Variants in AGTPBP1 observed in about 807,000 individuals in gnomAD.
AGTPBP1 encodes the protein cytosolic carboxypeptidase 1.
AGTPBP1 carries 70 observed loss-of-function variants against 143.9 expected under a neutral mutation model. The observed-to-expected ratio is 0.49, with a 90% confidence interval of 0.40 to 0.59. The LOEUF (loss-of-function observed/expected upper bound fraction) is 0.59, where lower values mean the gene tolerates loss of function less well. AGTPBP1 is among the 20% of genes least tolerant of loss of function. AGTPBP1 has a pLI of 0.00. For missense variants in AGTPBP1, 1,229 were observed against 1,464.5 expected (o/e 0.84, Z 2.62); for synonymous variants, 463 against 500.2 (o/e 0.93, Z 0.99).
chr9:85,586,787 T>C, intron 22 of AGTPBP1, 44 bp downstream of exon 22: 1 of 1,583,956 alleles, frequency 6.3e-7, no homozygotes, highest in Admixed American at 1.7e-5. Context: ...AAAATGATAT[T>C]TTATCTTTGA....
At chr9:85,658,497 G>A (rs980218496) in intron 9 of AGTPBP1, among the ~76,000 whole-genome samples, 1 of 152,018 alleles carries the variant, frequency 6.6e-6, no homozygotes, top group Admixed American at 6.6e-5. Flanking sequence ...ACCCAATGCT[G>A]CTCTGGTGGG....
intron 11 of AGTPBP1, among the ~76,000 whole-genome samples, chr9:85,652,476 C>T (rs866339870): frequency 6.6e-6 from 1 of 152,150 alleles, no homozygotes; most frequent in African/African-American, 2.4e-5. Flanking sequence ...CGCACCACTG[C>T]ACTCCAGCCT....
At chr9:85,702,663 T>C (rs1209209059) in intron 2 of AGTPBP1, among the ~76,000 whole-genome samples, 1 of 152,066 alleles carries the variant, frequency 6.6e-6, no homozygotes, top group East Asian at 1.9e-4. Flanking sequence ...CTCTCTCTTT[T>C]TTTTTTTTAA....
chr9:85,699,623 CAT>C (rs1836517116), intron 2 of AGTPBP1, among the ~76,000 whole-genome samples: 2 of 148,440 alleles, frequency 1.3e-5, no homozygotes, highest in South Asian at 4.3e-4. Context: ...ACCATAAAAA[CAT>C]ACAAAAGTTT....
At chr9:85,744,739 G>A (rs1382152010), upstream of AGTPBP1, among the ~76,000 whole-genome samples, 1 of 152,178 alleles carries the variant, frequency 6.6e-6, no homozygotes, top group Non-Finnish European at 1.5e-5. Flanking sequence ...GTCCACTGTA[G>A]GCATGTTTAG....
rs1299682783 is a variant in AGTPBP1, at chr9:85,672,568, G to A, written c.550C>T (p.Arg184Ter). 3 of 1,612,540 alleles carry A rather than the reference G, an allele frequency of 1.9e-6. No individual in the cohort carries two copies. Among genetic ancestry groups the A allele is most frequent in the African/African-American group, 1.3e-5 (1 of 74,712 alleles). The change falls in exon 7 of 26, where the codon CGA becomes TGA. Residue 184 changes from arginine (R) to a stop codon, truncating the protein, a stop_gained. Transcript: ENST00000357081. LOFTEE classifies it high-confidence loss of function. The stretch of plus-strand genomic sequence containing the variant: ...TACTCACAGTTGGCAGAATATACTC[G>A]TAAAAGCTGAAGGCAAGGTAGAACC... Reference protein sequence around the residue: ...RLVLPCLQLLRVYSANSVNSV... With the variant: ...RLVLPCLQLL
the AGTPBP1 span, among the ~76,000 whole-genome samples, chr9:85,754,192 G>C: frequency 6.6e-6 from 1 of 152,084 alleles, no homozygotes; most frequent in African/African-American, 2.4e-5. Context: ...ATGAAGACGA[G>C]TATATTTTAT....
At chr9:85,690,004 T>C (rs557261526) in intron 3 of AGTPBP1, among the ~76,000 whole-genome samples, 7 of 149,542 alleles carry the variant, frequency 4.7e-5, no homozygotes, top group Non-Finnish European at 1.0e-4. Flanking sequence ...CAATTTGTTT[T>C]AGTACACATT....
intron 17 of AGTPBP1, among the ~76,000 whole-genome samples, chr9:85,601,393 T>G (rs917698942): frequency 1.3e-5 from 2 of 151,992 alleles, no homozygotes; most frequent in Non-Finnish European, 2.9e-5. Context: ...CCATCCCCAA[T>G]ACCAGAGCAT....
chr9:85,594,590 A>T (rs1180257144), intron 18 of AGTPBP1, among the ~76,000 whole-genome samples: 1 of 20,964 alleles, frequency 4.8e-5, no homozygotes, highest in African/African-American at 9.0e-4. Context: ...ACTGTGTTTA[A>T]AAAAAAAAAT....
intron 6 of AGTPBP1, among the ~76,000 whole-genome samples, chr9:85,674,208 G>C (rs1834680271): frequency 6.7e-6 from 1 of 150,034 alleles, no homozygotes; most frequent in South Asian, 2.1e-4. Flanking sequence ...ATATTCCTGA[G>C]GAAAAATTAT....
At chr9:85,733,141 T>C (rs1386195687) in intron 1 of AGTPBP1, among the ~76,000 whole-genome samples, 1 of 152,146 alleles carries the variant, frequency 6.6e-6, no homozygotes, top group Non-Finnish European at 1.5e-5. Flanking sequence ...AGATCTAACA[T>C]ATATTTAGAA....
intron 18 of AGTPBP1, 49 bp from the exon 19 acceptor site, chr9:85,592,753 G>C: frequency 6.4e-7 from 1 of 1,570,774 alleles, no homozygotes; most frequent in Non-Finnish European, 8.6e-7. Flanking sequence ...CATGAAAACT[G>C]ATTTTCCTTG....
At chr9:85,674,122 T>TAAA (rs35435972) in intron 6 of AGTPBP1, among the ~76,000 whole-genome samples, 2 of 117,568 alleles carry the variant, frequency 1.7e-5, no homozygotes, top group Admixed American at 9.0e-5. Context: ...GACTCCATCT[T>TAAA]AAAAAAAAAA....
chr9:85,672,518 C>T, intron 7 of AGTPBP1, 32 bp downstream of exon 7: 1 of 1,598,306 alleles, frequency 6.3e-7, no homozygotes, highest in Non-Finnish European at 8.5e-7. Flanking sequence ...CTTTACAACA[C>T]TGAGTTAACT....
the AGTPBP1 span, among the ~76,000 whole-genome samples, chr9:85,793,105 T>A: frequency 1.3e-5 from 2 of 152,190 alleles, no homozygotes; most frequent in Non-Finnish European, 2.9e-5. Flanking sequence ...ATAGAAGTGC[T>A]TCATGACTAT....
the AGTPBP1 span, among the ~76,000 whole-genome samples, chr9:85,756,646 A>C: frequency 2.0e-5 from 3 of 152,196 alleles, no homozygotes; most frequent in Non-Finnish European, 4.4e-5. Flanking sequence ...AAAAACTTGA[A>C]CATGAACATT....
chr9:85,778,052 C>T, the AGTPBP1 span, among the ~76,000 whole-genome samples: 9 of 152,310 alleles, frequency 5.9e-5, no homozygotes, highest in Admixed American at 2.0e-4. Context: ...ATGAGGCCAT[C>T]GGTGCAGGCT....
intron 14 of AGTPBP1, 137 bp downstream of exon 14, chr9:85,632,525 C>G (rs983621073): frequency 7.7e-6 from 6 of 781,290 alleles, no homozygotes; most frequent in African/African-American, 1.8e-5. Context: ...GGCAAAATTT[C>G]CAAAGCAGAA....
Sources: gnomAD v4.1 joint callset for allele counts (sites outside exome capture counted in the v4.1 genomes callset) on GRCh38, gnomAD v4.1.1 for gene constraint, MANE v1.5 for transcripts, NCBI Gene and HGNC (gene_info 2026-07-23, HGNC 2026-07-21) for gene names.